GTF2H2C: variants seen among roughly 807,000 people sequenced by gnomAD.
GTF2H2C encodes general transcription factor IIH subunit 2-like protein.
Under a neutral mutation model 24.8 loss-of-function variants are expected in GTF2H2C, and 5 were observed. The observed-to-expected ratio is 0.20, with a 90% CI of 0.11 to 0.42. The LOEUF is 0.42. Among genes scored for constraint, GTF2H2C ranks in the 20% least tolerant of loss-of-function variants. The pLI is 1.00. For missense variants in GTF2H2C, 45 were observed against 169.8 expected (o/e 0.27, Z 4.08); for synonymous variants, 14 against 52.6 (o/e 0.27, Z 3.18).
chr5:69,561,713 G>A (rs1322856479), intron 1 of GTF2H2C, among the ~76,000 whole-genome samples: 1 of 151,824 alleles, frequency 6.6e-6, no homozygotes, highest in African/African-American at 2.4e-5. Flanking sequence ...GTGCAGTAGT[G>A]AACATAGTAG....
At chr5:69,561,266 T>G (rs376502574) in intron 1 of GTF2H2C, among the ~76,000 whole-genome samples, 46 of 149,756 alleles carry the variant, frequency 3.1e-4, no homozygotes, top group African/African-American at 8.2e-4. Context: ...AGAAGTCCTT[T>G]TAGCCGGGCG....
At position 69,566,174 on chromosome 5, in the gene GTF2H2C, A is replaced by G; in HGVS notation, c.100A>G (p.Ile34Val). Residue 34 changes from isoleucine to valine, a missense_variant, in exon 4 of 17, where the codon ATA becomes GTA. Physicochemically the swap from Ile to Val is conservative, Grantham distance 29. Transcript: ENST00000380729. Reference sequence around the variant, plus strand: ...TGAATCTGGATCACTTAAAGCTACAATAGAAGACATTCTATTCAAGGCAAA... The same window carrying G: ...TGAATCTGGATCACTTAAAGCTACAGTAGAAGACATTCTATTCAAGGCAAA... ...EDESGSLKAT[I>V]EDILFKAKRK... 3.7e-6 allele frequency: 6 copies of G among 1,608,572 alleles called. No homozygotes were observed. In the South Asian group the frequency reaches 5.5e-5, roughly 15 times the overall value.
chr5:69,573,079 A>G (rs1302767137), intron 9 of GTF2H2C, among the ~76,000 whole-genome samples: 1 of 144,954 alleles, frequency 6.9e-6, no homozygotes, highest in Non-Finnish European at 1.5e-5. Flanking sequence ...TATTATACAT[A>G]TATATAAAGC....
intron 15 of GTF2H2C, among the ~76,000 whole-genome samples, chr5:69,589,875 C>CTTTTTTTTTT (rs1160077149): frequency 5.0e-4 from 30 of 60,354 alleles, no homozygotes; most frequent in African/African-American, 1.1e-3. Context: ...TATTGCTATT[C>CTTTTTTTTTT]TTTTTTTTTT....
rs775251480 is a variant in GTF2H2C at position 69,565,202 on chromosome 5, T to A, written c.56+14T>A. Reference sequence around the variant, plus strand: ...TGAAAGAACATGGTAAGGAGAGCTTTATTGCCCTGTCTTTTCTTTTAGACA... The same window carrying A: ...TGAAAGAACATGGTAAGGAGAGCTTAATTGCCCTGTCTTTTCTTTTAGACA... On this transcript the variant is annotated intron_variant, in intron 3 of 16. Coordinates refer to ENST00000380729, the MANE Select transcript of GTF2H2C (RefSeq NM_001376000.2). The A allele has an allele frequency of 7.7e-6, 5 of 649,970 alleles. No individual in the cohort carries two copies. Among genetic ancestry groups the A allele is most frequent in the Non-Finnish European group, 1.3e-5 (5 of 391,710 alleles). The allele number at this position is 649,970 out of a possible 1,614,324, so 40.3% of individuals were successfully genotyped here.
At chr5:69,573,145 T>TATACAC (rs1554057990) in intron 9 of GTF2H2C, among the ~76,000 whole-genome samples, 3 of 117,450 alleles carry the variant, frequency 2.6e-5, no homozygotes, top group Non-Finnish European at 3.6e-5. Flanking sequence ...CTATTATATA[T>TATACAC]ACACACACAC....
In GTF2H2C at chr5:69,568,171, AAG is replaced by A. The variant is rs1325572730; in HGVS notation, c.331_332del (p.Ser111Ter). 5 of 459,088 alleles carry A rather than the reference AAG, an allele frequency of 1.1e-5. No individual in the cohort carries two copies. Among genetic ancestry groups the A allele is most frequent in the Non-Finnish European group, 1.9e-5 (5 of 267,320 alleles). The allele number at this position is 459,088 out of a possible 1,614,324, so 28.4% of individuals were successfully genotyped here. A position where few individuals can be genotyped will look rare whatever the true frequency, so the allele number is the denominator to read the frequency against. ...PISQIGIIVT[K>X]SKRAEKLTEL... Reference sequence around the variant, plus strand: ...TTTCAAGATTGGAATAATTGTAACTAAGAGTAAAAGAGCTGAAAAATTGACTG... The same window carrying A: ...TTTCAAGATTGGAATAATTGTAACTAAGTAAAAGAGCTGAAAAATTGACTG... On this transcript the variant is annotated frameshift_variant, in exon 8 of 17. Transcript: ENST00000380729. LOFTEE classifies it high-confidence loss of function.
chr5:69,563,237 C>T lies in GTF2H2C; in HGVS notation c.-34+467C>T, dbSNP rs1166881099. Among the ~76,000 whole-genome samples the T allele has an allele frequency of 5.6e-4, 66 of 118,792 alleles. No homozygotes were observed. The East Asian group carries it at 0.011, about 20-fold the overall frequency. 77.9% of individuals were successfully genotyped at this position (118,792 alleles called of 152,430 possible). A position where few individuals can be genotyped will look rare whatever the true frequency, so the allele number is the denominator to read the frequency against. On this transcript the variant is annotated intron_variant, in intron 2 of 16. Transcript: ENST00000380729. ...TTTTTTTTTTTTTTTTTTTTTGAGACGGAGTCTTGCTCTGTCACCCAGGCT... is the reference window on the plus strand; with the variant it reads ...TTTTTTTTTTTTTTTTTTTTTGAGATGGAGTCTTGCTCTGTCACCCAGGCT...
intron 1 of GTF2H2C, among the ~76,000 whole-genome samples, chr5:69,562,156 TA>T (rs1186226433): frequency 6.6e-6 from 1 of 151,988 alleles, no homozygotes; most frequent in African/African-American, 2.4e-5. Context: ...CCATTTCTAC[TA>T]AAAACACAAA....
chr5:69,582,206 TAGTC>T (rs1168461456), intron 12 of GTF2H2C, among the ~76,000 whole-genome samples, 156 bp from the exon 13 acceptor site: 2 of 116,862 alleles, frequency 1.7e-5, no homozygotes, highest in African/African-American at 6.3e-5. Context: ...AGCTTGGAAT[TAGTC>T]AGTTTCATCA....
intron 4 of GTF2H2C, 90 bp downstream of exon 4, chr5:69,566,298 G>T (rs1770754249): frequency 6.6e-7 from 1 of 1,507,210 alleles, no homozygotes; most frequent in Non-Finnish European, 9.0e-7. Flanking sequence ...CTTCATTTTA[G>T]CTGTGTTTCA....
chr5:69,566,464 A>G, intron 4 of GTF2H2C, 125 bp from the exon 5 acceptor site: 2 of 1,507,436 alleles, frequency 1.3e-6, no homozygotes, highest in African/African-American at 1.4e-5. Flanking sequence ...AATGCACGTT[A>G]TGACATTCTT....
chr5:69,560,946 C>T (rs1481240489), intron 1 of GTF2H2C, among the ~76,000 whole-genome samples: 2 of 151,964 alleles, frequency 1.3e-5, no homozygotes, highest in Non-Finnish European at 2.9e-5. Context: ...TCAGTAGAGA[C>T]GGGGTTTCAC....
intron 9 of GTF2H2C, among the ~76,000 whole-genome samples, chr5:69,577,259 A>G (rs1282157088): frequency 1.6e-5 from 1 of 64,492 alleles, no homozygotes; most frequent in East Asian, 5.5e-4. Context: ...GCAGCCATCA[A>G]TATCAAGGCA....
chr5:69,568,467 TA>T, intron 8 of GTF2H2C: 1 of 382,386 alleles, frequency 2.6e-6, no homozygotes. Flanking sequence ...TATATGTGCT[TA>T]TCCTGAAATT....
At position 69,590,375 on chromosome 5, in the gene GTF2H2C, C is replaced by A. The variant is rs895810582; in HGVS notation, c.1068+8C>A. ...GAATTGAAAGACCAACATGTAAGTT[C>A]TTTGGCTTTCTAAATATTAAGTAAT... On this transcript the variant is annotated splice_region_variant and intron_variant, in intron 16 of 16. Coordinates refer to ENST00000380729, the MANE Select transcript of GTF2H2C (RefSeq NM_001376000.2). 5.9e-5 allele frequency: 12 copies of A among 203,470 alleles called. No homozygotes were observed. The highest frequency in any genetic ancestry group is 1.2e-4 in the Admixed American group (1 of 8,222). 12.6% of individuals were successfully genotyped at this position (203,470 alleles called of 1,614,324 possible).
intron 15 of GTF2H2C, among the ~76,000 whole-genome samples, chr5:69,587,629 CAA>C (rs527407623): frequency 1.1e-5 from 1 of 89,998 alleles, no homozygotes. Flanking sequence ...GAAACTCCAT[CAA>C]AAAAAAAAAG....
Sources: allele counts gnomAD v4.1 joint callset (sites outside exome capture counted in the v4.1 genomes callset), GRCh38; gene constraint gnomAD v4.1.1; transcripts MANE v1.5; gene names NCBI Gene and HGNC (gene_info 2026-07-23, HGNC 2026-07-21).